AUNIP: variants seen among roughly 807,000 people sequenced by gnomAD.
The protein encoded by AUNIP is aurora kinase A and ninein interacting protein.
Under a neutral mutation model 12.2 loss-of-function variants are expected in AUNIP, and 16 were observed. The observed-to-expected ratio is 1.31, with a 90% CI of 0.88 to 1.99. AUNIP has a LOEUF of 1.99. Among genes scored for constraint, AUNIP ranks in the 30% most tolerant of loss-of-function variants. The pLI, the probability that AUNIP is intolerant of heterozygous loss-of-function variation, is 0.00. For missense variants in AUNIP, 411 were observed against 419.1 expected (o/e 0.98, Z 0.17); for synonymous variants, 142 against 154.8 (o/e 0.92, Z 0.61).
Position 25,859,429 on chromosome 1 carries a change from G to T in AUNIP, c.-72C>A. On this transcript the variant is annotated 5_prime_UTR_variant, in exon 1 of 3. Transcript: ENST00000374298. ...GCGCCTCAGGGAACGCCAGAACCGC[G>T]GCCGCCGACGTTCGGATCTCGCGCC... 4.4e-6 allele frequency: 6 copies of T among 1,351,346 alleles called. No individual in the cohort carries two copies. The highest frequency in any genetic ancestry group is 4.4e-5 in the South Asian group (3 of 67,822). 83.7% of individuals were successfully genotyped at this position (1,351,346 alleles called of 1,614,324 possible). A position where few individuals can be genotyped will look rare whatever the true frequency, so the allele number is the denominator to read the frequency against.
rs199704194 is a variant in AUNIP, at chr1:25,859,391, G to C, written c.-34C>G. On this transcript the variant is annotated 5_prime_UTR_variant, in exon 1 of 3. Coordinates refer to ENST00000374298, the MANE Select transcript of AUNIP (RefSeq NM_024037.3). ...AGGAGACGAAGCCGGCAGGACGCCG[G>C]CGCAGGCTCCCGGCGCCTCAGGGAA... is the stretch of plus-strand genomic sequence containing the variant. 2.7e-6 allele frequency: 4 copies of C among 1,479,968 alleles called. No homozygotes were observed. The Admixed American group carries it at 1.1e-4, about 39-fold the overall frequency. The allele number at this position is 1,479,968 out of a possible 1,614,324, so 91.7% of individuals were successfully genotyped here. A position where few individuals can be genotyped will look rare whatever the true frequency, so the allele number is the denominator to read the frequency against.
At position 25,834,087 on chromosome 1, in the gene AUNIP, C is replaced by T. The variant is rs1385235904; in HGVS notation, c.*906G>A. ...TTGTGGGAAAAGGGTAACAGAGTCA[C>T]ATCCAGATTGTTGTACAGCTCAGGC... On this transcript the variant is annotated 3_prime_UTR_variant, in exon 3 of 3. Transcript: ENST00000374298. 3.0e-6 allele frequency: 3 copies of T among 985,214 alleles called. No homozygotes were observed. The highest frequency in any genetic ancestry group is 1.7e-5 in the African/African-American group (1 of 57,238). 61.0% of individuals were successfully genotyped at this position (985,214 alleles called of 1,614,324 possible).
chr1:25,845,234 T>A (rs1290774312), intron 1 of AUNIP, among the ~76,000 whole-genome samples: 1 of 152,192 alleles, frequency 6.6e-6, no homozygotes, highest in South Asian at 2.1e-4. Context: ...ATCCCCCACA[T>A]AACTTCTAGA....
At chr1:25,855,791 T>C (rs213644) in intron 1 of AUNIP, among the ~76,000 whole-genome samples, 32,634 of 152,098 alleles carry the variant, frequency 0.21, 3,781 homozygotes, top group African/African-American at 0.27. Context: ...AAGAGGCACC[T>C]TGTGAAAGGG....
In AUNIP at chr1:25,834,775, T is replaced by C. The variant is rs1344744495; in HGVS notation, c.*218A>G. 1.4e-6 allele frequency: 2 copies of C among 1,405,562 alleles called. No homozygotes were observed. The highest frequency in any genetic ancestry group is 1.8e-6 in the Non-Finnish European group (2 of 1,083,900). 87.1% of individuals were successfully genotyped at this position (1,405,562 alleles called of 1,614,324 possible). The stretch of plus-strand genomic sequence containing the variant: ...TCATCATAGACTCATTCAGGGAATT[T>C]ACCAGCCACCACCTTCCTGAGGGAA... On this transcript the variant is annotated 3_prime_UTR_variant, in exon 3 of 3. Transcript: ENST00000374298.
chr1:25,836,497 C>G (rs1230359087), intron 2 of AUNIP, among the ~76,000 whole-genome samples: 3 of 152,328 alleles, frequency 2.0e-5, no homozygotes, highest in East Asian at 1.9e-4. Context: ...AGAGTGGATT[C>G]TGTTCTGCCT....
intron 1 of AUNIP, among the ~76,000 whole-genome samples, chr1:25,841,661 C>G (rs2048348283): frequency 6.6e-6 from 1 of 151,972 alleles, no homozygotes; most frequent in Non-Finnish European, 1.5e-5. Context: ...GTAGCTGGGA[C>G]TACAGGTGCT....
At chr1:25,843,786 C>T (rs2048362993) in intron 1 of AUNIP, among the ~76,000 whole-genome samples, 1 of 151,184 alleles carries the variant, frequency 6.6e-6, no homozygotes, top group Non-Finnish European at 1.5e-5. Flanking sequence ...AAAAGTGGAC[C>T]CTGAAGATGT....
intron 1 of AUNIP, among the ~76,000 whole-genome samples, chr1:25,838,681 A>G (rs2124498048): frequency 6.6e-6 from 1 of 152,324 alleles, no homozygotes. Flanking sequence ...AGAGAATGGA[A>G]CTGGAAGATA....
At chr1:25,844,547 G>T (rs114764609) in intron 1 of AUNIP, among the ~76,000 whole-genome samples, 7 of 151,640 alleles carry the variant, frequency 4.6e-5, no homozygotes, top group Admixed American at 3.9e-4. Context: ...TAACTCTTCC[G>T]ATAATTTATC....
chr1:25,835,923 A>G (rs2048299556), intron 2 of AUNIP, 77 bp from the exon 3 acceptor site: 4 of 1,553,480 alleles, frequency 2.6e-6, no homozygotes, highest in Admixed American at 1.9e-5. Flanking sequence ...TTTTTCTGAA[A>G]TCAGTATCAG....
intron 1 of AUNIP, among the ~76,000 whole-genome samples, chr1:25,838,912 C>A (rs936042574): frequency 6.6e-6 from 1 of 152,094 alleles, no homozygotes; most frequent in African/African-American, 2.4e-5. Flanking sequence ...ATCTTGAAGC[C>A]GAGTTATTTA....
At position 25,838,452 on chromosome 1, in the gene AUNIP, G is replaced by A. The variant is rs145903178; in HGVS notation, c.79-898C>T. On this transcript the variant is annotated intron_variant, in intron 1 of 2. Coordinates refer to ENST00000374298, the MANE Select transcript of AUNIP (RefSeq NM_024037.3). ...AGGGAGGCGGAGGTTGCAATGAGCC[G>A]AGATTGTGCCACTGCACTCCAGCCT... Among the ~76,000 whole-genome samples, 23 of 151,968 alleles carry A rather than the reference G, an allele frequency of 1.5e-4. 1 individual carries two copies. The South Asian group carries it at 1.9e-3, about 12-fold the overall frequency.
At chr1:25,842,348 A>C (rs1361231272) in intron 1 of AUNIP, among the ~76,000 whole-genome samples, 1 of 152,224 alleles carries the variant, frequency 6.6e-6, no homozygotes, top group Non-Finnish European at 1.5e-5. Context: ...CTTGAATTCA[A>C]TTCTATGCAA....
At position 25,859,329 on chromosome 1, in the gene AUNIP, GCCT is replaced by G. The variant is rs1557458758; in HGVS notation, c.26_28del (p.Glu9del). On this transcript the variant is annotated inframe_deletion, in exon 1 of 3. Transcript: ENST00000374298. ...CGCCGCGTCCAGCCACACGCCGCAGGCCTCCTCCTCGGGGCCTGTCCGCCTCAT... is the reference window on the plus strand; with the variant it reads ...CGCCGCGTCCAGCCACACGCCGCAGGCCTCCTCGGGGCCTGTCCGCCTCAT... 1.3e-6 allele frequency: 2 copies of G among 1,565,668 alleles called. No homozygotes were observed.
chr1:25,832,819 T>C (rs974387838), downstream of AUNIP: 1 of 156,282 alleles, frequency 6.4e-6, no homozygotes, highest in Non-Finnish European at 1.4e-5. Flanking sequence ...GGCCAAGGTT[T>C]GTATGTACCA....
In AUNIP at chr1:25,834,543, GGA is replaced by G. The variant is rs1183294758; in HGVS notation, c.*448_*449del. ...GAGGCAGGAGAATCGCTTGAATCCG[GGA>G]GACAGAGGGTGCAGTGAGCTGAGGT... is the stretch of plus-strand genomic sequence containing the variant. On this transcript the variant is annotated 3_prime_UTR_variant, in exon 3 of 3. Coordinates refer to ENST00000374298, the MANE Select transcript of AUNIP (RefSeq NM_024037.3). 1 of 828,182 alleles carries G rather than the reference GGA, an allele frequency of 1.2e-6. No homozygotes were observed. The highest frequency in any genetic ancestry group is 1.9e-5 in the African/African-American group (1 of 53,480). The allele number at this position is 828,182 out of a possible 1,614,324, so 51.3% of individuals were successfully genotyped here.
At chr1:25,843,350 A>T (rs759371344) in intron 1 of AUNIP, among the ~76,000 whole-genome samples, 9 of 151,566 alleles carry the variant, frequency 5.9e-5, no homozygotes, top group Non-Finnish European at 1.2e-4. Flanking sequence ...CTTACTATTT[A>T]AGAACTACAT....
chr1:25,849,916 C>T lies in AUNIP; in HGVS notation c.78+9364G>A, dbSNP rs140142556. On this transcript the variant is annotated intron_variant, in intron 1 of 2. Transcript: ENST00000374298. ...CCTCCCAAAGTGCTGGGATTACAGGCGTGAGCCACTGCACTCAACCCTAGA... is the reference window on the plus strand; with the variant it reads ...CCTCCCAAAGTGCTGGGATTACAGGTGTGAGCCACTGCACTCAACCCTAGA... 1.7e-3 allele frequency among the ~76,000 whole-genome samples: 252 copies of T among 152,144 alleles called. 2 individuals are homozygous for T. The highest frequency in any genetic ancestry group is 0.011 in the East Asian group (56 of 5,160).
Sources: gnomAD v4.1 joint callset for allele counts (sites outside exome capture counted in the v4.1 genomes callset) on GRCh38, gnomAD v4.1.1 for gene constraint, MANE v1.5 for transcripts, NCBI Gene and HGNC (gene_info 2026-07-23, HGNC 2026-07-21) for gene names.